AP2B1: variants seen among roughly 807,000 people sequenced by gnomAD.
AP2B1 encodes adaptor related protein complex 2 subunit beta 1.
A neutral mutation model predicts 102.0 loss-of-function variants in AP2B1; 23 were observed. That is an observed-to-expected ratio of 0.23 (90% confidence interval 0.16 to 0.32). The LOEUF (loss-of-function observed/expected upper bound fraction) is 0.32. AP2B1 is among the 10% of genes least tolerant of loss of function. The pLI is 1.00. For missense variants in AP2B1, 541 were observed against 1,157.4 expected, an observed-to-expected ratio of 0.47 and a Z score of 7.73; for synonymous variants, 381 against 421.2, an observed-to-expected ratio of 0.90 and a Z score of 1.17.
chr17:35,658,378 A>G (rs1366229899), intron 14 of AP2B1, among the ~76,000 whole-genome samples: 2 of 148,178 alleles, frequency 1.3e-5, no homozygotes, highest in South Asian at 2.1e-4. Flanking sequence ...ACTCCATTCT[A>G]TCATACTTCC....
intron 13 of AP2B1, among the ~76,000 whole-genome samples, chr17:35,656,890 A>G (rs1165797122): frequency 6.6e-6 from 1 of 151,716 alleles, no homozygotes; most frequent in Non-Finnish European, 1.5e-5. Context: ...GTCTCAAAAA[A>G]AAAAAAAAAA....
At chr17:35,678,426 G>A (rs1175233982) in intron 17 of AP2B1, among the ~76,000 whole-genome samples, 1 of 152,080 alleles carries the variant, frequency 6.6e-6, no homozygotes, top group African/African-American at 2.4e-5. Context: ...GTAAATGTTG[G>A]ATAGGAGTGG....
intron 18 of AP2B1, among the ~76,000 whole-genome samples, chr17:35,704,619 G>A (rs1022335890): frequency 6.6e-6 from 1 of 152,142 alleles, no homozygotes; most frequent in African/African-American, 2.4e-5. Flanking sequence ...GTATGCGTTG[G>A]GTGCTGTGGG....
intron 18 of AP2B1, among the ~76,000 whole-genome samples, chr17:35,684,310 A>C (rs1163705284): frequency 6.6e-6 from 1 of 152,214 alleles, no homozygotes; most frequent in Non-Finnish European, 1.5e-5. Flanking sequence ...ACTATGAAAT[A>C]TATTTAAAAT....
chr17:35,710,180 CAG>C, intron 19 of AP2B1, 52 bp from the exon 20 acceptor site: 1 of 1,307,352 alleles, frequency 7.6e-7, no homozygotes, highest in Non-Finnish European at 1.1e-6. Context: ...CATCGAAAAT[CAG>C]AATACTGACA....
At chr17:35,624,365 G>A (rs1567837353) in intron 5 of AP2B1, 32 bp from the exon 6 acceptor site, 1 of 1,606,816 alleles carries the variant, frequency 6.2e-7, no homozygotes, top group East Asian at 2.2e-5. Context: ...GCTGTTCTTG[G>A]TGAATCAAGG....
chr17:35,605,307 G>A (rs2073637514), intron 3 of AP2B1, among the ~76,000 whole-genome samples: 1 of 149,546 alleles, frequency 6.7e-6, no homozygotes, highest in African/African-American at 2.5e-5. Flanking sequence ...GGAGTGCAAT[G>A]GTGTGATCTC....
chr17:35,649,431 G>T (rs116956880), intron 12 of AP2B1, among the ~76,000 whole-genome samples: 1 of 152,068 alleles, frequency 6.6e-6, no homozygotes, highest in African/African-American at 2.4e-5. Flanking sequence ...ACCTTGCCTG[G>T]CTAATTTTTT....
chr17:35,596,254 A>G (rs1425025348), intron 2 of AP2B1, among the ~76,000 whole-genome samples: 1 of 152,210 alleles, frequency 6.6e-6, no homozygotes, highest in Non-Finnish European at 1.5e-5. Context: ...CCGGAAGTGA[A>G]TGAGAGGAAC....
In AP2B1 at chr17:35,636,327, A is replaced by T. The variant is rs1379594549; in HGVS notation, c.1156-14A>T. ...GATCATCTGACTTCTCATTTTTTGT[A>T]TTTTTCTTCCCAGCAATCTGCAGAG... On this transcript the variant is annotated splice_polypyrimidine_tract_variant and intron_variant, in intron 9 of 21. Coordinates refer to ENST00000610402, the MANE Select transcript of AP2B1 (RefSeq NM_001030006.2). The T allele has an allele frequency of 5.0e-6, 8 of 1,596,964 alleles. No individual in the cohort carries two copies. Among genetic ancestry groups the T allele is most frequent in the Admixed American group, 3.4e-5 (2 of 58,990 alleles).
chr17:35,621,444 GA>G lies in AP2B1; in HGVS notation c.526-2951del. 4 of 695,940 alleles carry G rather than the reference GA, an allele frequency of 5.7e-6. No homozygotes were observed. In the South Asian group the frequency reaches 2.6e-4, roughly 45 times the overall value. 43.1% of individuals were successfully genotyped at this position (695,940 alleles called of 1,614,324 possible). On this transcript the variant is annotated intron_variant, in intron 5 of 21. Coordinates refer to ENST00000610402, the MANE Select transcript of AP2B1 (RefSeq NM_001030006.2). ...GAGATGAAAGTGTAGAGATAGGATG[GA>G]AGGAACTTCAAGAAATTTTAGAGAA...
intron 5 of AP2B1, among the ~76,000 whole-genome samples, chr17:35,612,516 T>C (rs1051210851): frequency 2.0e-5 from 3 of 152,240 alleles, no homozygotes; most frequent in African/African-American, 7.2e-5. Flanking sequence ...CTTAGAGTAT[T>C]ACAACTGTCA....
chr17:35,615,244 C>T (rs1166048734), intron 5 of AP2B1, among the ~76,000 whole-genome samples: 1 of 152,054 alleles, frequency 6.6e-6, no homozygotes, highest in African/African-American at 2.4e-5. Context: ...CTTCAGTTGT[C>T]TTATATGTAA....
At chr17:35,644,885 A>G (rs911972930) in intron 12 of AP2B1, among the ~76,000 whole-genome samples, 2 of 152,102 alleles carry the variant, frequency 1.3e-5, no homozygotes, top group Non-Finnish European at 2.9e-5. Context: ...TACAAAAATT[A>G]GCGGAGCATA....
chr17:35,723,338 C>T (rs142560627), intron 21 of AP2B1, among the ~76,000 whole-genome samples: 56 of 152,314 alleles, frequency 3.7e-4, no homozygotes, highest in African/African-American at 1.3e-3. Flanking sequence ...AGCATTAGAG[C>T]AGCTGTTGCT....
chr17:35,631,363 A>G (rs536746103), intron 9 of AP2B1, among the ~76,000 whole-genome samples: 34 of 152,168 alleles, frequency 2.2e-4, no homozygotes, highest in Non-Finnish European at 4.6e-4. Context: ...ACTATATATA[A>G]TTATAGAACA....
chr17:35,725,892 C>T lies in AP2B1; in HGVS notation c.*2193C>T, dbSNP rs1555595173. On this transcript the variant is annotated 3_prime_UTR_variant, in exon 22 of 22. Transcript: ENST00000610402. ...CCAGTGATGGATAACAGCTCCTATT[C>T]TCAGCTGACCTGACTGAGCCAACCC... 6.6e-6 allele frequency: 1 copy of T among 152,254 alleles called. No individual in the cohort carries two copies. The highest frequency in any genetic ancestry group is 1.5e-5 in the Non-Finnish European group (1 of 68,052). The allele number at this position is 152,254 out of a possible 1,614,324, so 9.4% of individuals were successfully genotyped here.
intron 17 of AP2B1, among the ~76,000 whole-genome samples, chr17:35,679,511 C>T (rs1598266680): frequency 6.6e-6 from 1 of 151,924 alleles, no homozygotes; most frequent in African/African-American, 2.4e-5. Context: ...CCTACTACTA[C>T]TGGTTTCCTC....
At chr17:35,641,677 C>T (rs561469134) in intron 11 of AP2B1, among the ~76,000 whole-genome samples, 200 bp from the exon 12 acceptor site, 1 of 152,170 alleles carries the variant, frequency 6.6e-6, no homozygotes, top group South Asian at 2.1e-4. Context: ...GTAGAGTTTT[C>T]GGTTGAATAC....
Sources: allele counts gnomAD v4.1 joint callset (sites outside exome capture counted in the v4.1 genomes callset), GRCh38; gene constraint gnomAD v4.1.1; transcripts MANE v1.5; gene names NCBI Gene and HGNC (gene_info 2026-07-23, HGNC 2026-07-21).